TUBGCP4: variants seen among roughly 807,000 people sequenced by gnomAD.
The protein encoded by TUBGCP4 is tubulin gamma complex component 4.
A neutral mutation model predicts 91.6 loss-of-function variants in TUBGCP4; 54 were observed. The ratio of observed to expected loss-of-function variants is 0.59; its 90% CI spans 0.47 to 0.74. TUBGCP4 has a LOEUF of 0.74. Among genes scored for constraint, TUBGCP4 ranks in the 30% least tolerant of loss-of-function variants. TUBGCP4 has a pLI of 0.00. For synonymous variants in TUBGCP4, 297 were observed against 302.8 expected (o/e 0.98, Z 0.20); for missense variants, 593 against 800.9 (o/e 0.74, Z 3.13).
chr15:43,383,441 G>A lies in TUBGCP4; in HGVS notation c.660G>A (p.Glu220=), dbSNP rs997675956. The A allele has an allele frequency of 4.3e-6, 7 of 1,613,912 alleles. No homozygotes were observed. In the Admixed American group the frequency reaches 6.7e-5, roughly 15 times the overall value. ...GTAATGTCAGTGCCCAGCCAGAAGA[G>A]GACGAGGAGGATCTGGGCATTGGGG... ...SSGNVSAQPE[E]DEEDLGIGGL... The change falls in exon 7 of 18, where the codon GAG becomes GAA. Residue 220 remains glutamate (E), a synonymous_variant. Transcript: ENST00000564079.
Position 43,408,670 on chromosome 15 carries a change from A to G in TUBGCP4, c.*3456A>G. ...TAGTTCTCTGACTTTACAGGTTGAGAATATTGAACCTATATACAAATCTTC... is the reference window on the plus strand; with the variant it reads ...TAGTTCTCTGACTTTACAGGTTGAGGATATTGAACCTATATACAAATCTTC... On this transcript the variant is annotated 3_prime_UTR_variant, in exon 18 of 18. Coordinates refer to ENST00000564079, the MANE Select transcript of TUBGCP4 (RefSeq NM_014444.5). The G allele has an allele frequency of 1.9e-6, 1 of 528,144 alleles. No individual in the cohort carries two copies. The highest frequency in any genetic ancestry group is 3.4e-6 in the Non-Finnish European group (1 of 293,512). The allele number at this position is 528,144 out of a possible 1,614,324, so 32.7% of individuals were successfully genotyped here. A position where few individuals can be genotyped will look rare whatever the true frequency, so the allele number is the denominator to read the frequency against.
intron 9 of TUBGCP4, chr15:43,391,506 A>G (rs1181142009): frequency 6.6e-6 from 1 of 152,230 alleles, no homozygotes; most frequent in East Asian, 1.9e-4. Flanking sequence ...TCAGCACTGC[A>G]GTTTTGACCT....
At chr15:43,403,610 T>C (rs1055749713) in intron 15 of TUBGCP4, 73 bp from the exon 16 acceptor site, 8 of 1,108,708 alleles carry the variant, frequency 7.2e-6, no homozygotes, top group Non-Finnish European at 9.5e-6. Flanking sequence ...TTAATCAGAC[T>C]GTTCTCCTAA....
chr15:43,408,238 G>GATT lies in TUBGCP4; in HGVS notation c.*3025_*3026insTTA. 1.2e-6 allele frequency: 1 copy of GATT among 809,126 alleles called. No homozygotes were observed. Among genetic ancestry groups the GATT allele is most frequent in the Non-Finnish European group, 1.9e-6 (1 of 531,764 alleles). The allele number at this position is 809,126 out of a possible 1,614,324, so 50.1% of individuals were successfully genotyped here. ...CAAGCCTGTAATCCCAGCACTTTGG[G>GATT]AGGCTGTCGTGGTTGGATCTCTTGG... On this transcript the variant is annotated 3_prime_UTR_variant, in exon 18 of 18. Transcript: ENST00000564079.
At chr15:43,384,394 G>T (rs2044326745) in intron 7 of TUBGCP4, among the ~76,000 whole-genome samples, 1 of 152,198 alleles carries the variant, frequency 6.6e-6, no homozygotes, top group African/African-American at 2.4e-5. Flanking sequence ...TCATGGGATA[G>T]GGTCTTGGAG....
At chr15:43,376,914 A>G (rs911065646) in intron 3 of TUBGCP4, 100 bp from the exon 4 acceptor site, 2 of 1,092,224 alleles carry the variant, frequency 1.8e-6, no homozygotes, top group Admixed American at 1.9e-5. Flanking sequence ...GCCTAAAATT[A>G]ACACTTAAGC....
At position 43,408,818 on chromosome 15, in the gene TUBGCP4, T is replaced by A. The variant is rs2045015053; in HGVS notation, c.*3604T>A. On this transcript the variant is annotated 3_prime_UTR_variant, in exon 18 of 18. Transcript: ENST00000564079. The stretch of plus-strand genomic sequence containing the variant: ...CATTCCAATTTCTAGAAAGCTTTAC[T>A]CTCTCACCTAGATTCTCTTCCCTCC... 3 of 1,416,056 alleles carry A rather than the reference T, an allele frequency of 2.1e-6. No individual in the cohort carries two copies. Among genetic ancestry groups the A allele is most frequent in the Non-Finnish European group, 3.0e-6 (3 of 1,009,774 alleles). 87.7% of individuals were successfully genotyped at this position (1,416,056 alleles called of 1,614,324 possible). A position where few individuals can be genotyped will look rare whatever the true frequency, so the allele number is the denominator to read the frequency against.
chr15:43,392,924 C>A (rs1010481002), intron 9 of TUBGCP4, among the ~76,000 whole-genome samples: 8 of 152,166 alleles, frequency 5.3e-5, no homozygotes, highest in African/African-American at 9.7e-5. Context: ...GTGCTTTCAT[C>A]CCACTCTTCC....
chr15:43,373,943 C>T (rs546669364), intron 1 of TUBGCP4, among the ~76,000 whole-genome samples: 5 of 152,248 alleles, frequency 3.3e-5, no homozygotes, highest in African/African-American at 4.8e-5. Flanking sequence ...TGAGCCACTG[C>T]GCCCGGCAAG....
At chr15:43,381,568 CTG>C (rs2044285668) in intron 6 of TUBGCP4, among the ~76,000 whole-genome samples, 1 of 152,056 alleles carries the variant, frequency 6.6e-6, no homozygotes, top group South Asian at 2.1e-4. Context: ...GAGACCCTGT[CTG>C]TACCAAAAAT....
At chr15:43,388,473 T>A (rs2044417002) in intron 9 of TUBGCP4, among the ~76,000 whole-genome samples, 1 of 152,232 alleles carries the variant, frequency 6.6e-6, no homozygotes, top group South Asian at 2.1e-4. Flanking sequence ...TCCTGTCCTT[T>A]CAAAATTTTA....
chr15:43,374,253 T>C (rs1428555349), intron 1 of TUBGCP4, among the ~76,000 whole-genome samples: 12 of 152,182 alleles, frequency 7.9e-5, no homozygotes, highest in Admixed American at 7.9e-4. Context: ...GTACCTGGGA[T>C]ATAGTAATGG....
chr15:43,403,252 G>A (rs1158272576), intron 15 of TUBGCP4: 1 of 158,936 alleles, frequency 6.3e-6, no homozygotes, highest in African/African-American at 2.4e-5. Flanking sequence ...CAACAGTACA[G>A]ATAATAAAGA....
intron 11 of TUBGCP4, 30 bp downstream of exon 11, chr15:43,395,718 AC>A: frequency 1.9e-6 from 3 of 1,558,182 alleles, no homozygotes; most frequent in Non-Finnish European, 2.7e-6. Flanking sequence ...AGAATGATCA[AC>A]TGATTGACAT....
At chr15:43,399,283 CG>C in intron 13 of TUBGCP4, 3 of 444,198 alleles carry the variant, frequency 6.8e-6, no homozygotes, top group Non-Finnish European at 1.0e-5. Flanking sequence ...GAGGCAGGAG[CG>C]GGAGTCTGTC....
In TUBGCP4 at chr15:43,407,396, T is replaced by C. The variant is rs2044940096; in HGVS notation, c.*2182T>C. Reference sequence around the variant, plus strand: ...GACCAAGTATCTTTAGTGAGAAACATAATCGTGTTTATATTTTGGATGCTG... The same window carrying C: ...GACCAAGTATCTTTAGTGAGAAACACAATCGTGTTTATATTTTGGATGCTG... On this transcript the variant is annotated 3_prime_UTR_variant, in exon 18 of 18. Coordinates refer to ENST00000564079, the MANE Select transcript of TUBGCP4 (RefSeq NM_014444.5). 1 of 1,614,124 alleles carries C rather than the reference T, an allele frequency of 6.2e-7. No homozygotes were observed. Among genetic ancestry groups the C allele is most frequent in the Non-Finnish European group, 8.5e-7 (1 of 1,179,984 alleles).
In TUBGCP4 at chr15:43,399,683, T is replaced by C. The variant is rs188396358; in HGVS notation, c.1419-361T>C. Among the ~76,000 whole-genome samples, 168 of 152,330 alleles carry C rather than the reference T, an allele frequency of 1.1e-3. 1 individual carries two copies. Among genetic ancestry groups the C allele is most frequent in the African/African-American group, 3.9e-3 (161 of 41,582 alleles). On this transcript the variant is annotated intron_variant, in intron 13 of 17. Coordinates refer to ENST00000564079, the MANE Select transcript of TUBGCP4 (RefSeq NM_014444.5). ...TATAGAAAAGGCTATATGTAATCTT[T>C]TGTGATTTACCTTTTTCATTCAAAA...
intron 10 of TUBGCP4, chr15:43,395,379 A>G: frequency 1.5e-6 from 1 of 660,010 alleles, no homozygotes; most frequent in Non-Finnish European, 2.7e-6. Context: ...TTATGTTGCT[A>G]TTGAATAAAT....
In TUBGCP4 at chr15:43,374,504, C is replaced by G. The variant is rs556814920; in HGVS notation, c.79-1594C>G. On this transcript the variant is annotated intron_variant, in intron 1 of 17. Transcript: ENST00000564079. ...ACACATGCCTGTAGTCCTAGCTACTCTGGTGGCTGAGGTGGGAGAATTGGT... is the reference window on the plus strand; with the variant it reads ...ACACATGCCTGTAGTCCTAGCTACTGTGGTGGCTGAGGTGGGAGAATTGGT... Among the ~76,000 whole-genome samples the G allele has an allele frequency of 2.8e-4, 42 of 152,132 alleles. No individual in the cohort carries two copies. The East Asian group carries it at 6.4e-3, about 23-fold the overall frequency.
Sources: allele counts gnomAD v4.1 joint callset (sites outside exome capture counted in the v4.1 genomes callset), GRCh38; gene constraint gnomAD v4.1.1; transcripts MANE v1.5; gene names NCBI Gene and HGNC (gene_info 2026-07-23, HGNC 2026-07-21).